CCDC148: variants seen among roughly 807,000 people sequenced by gnomAD.
The protein encoded by CCDC148 is coiled-coil domain containing 148, also known as coiled-coil domain-containing protein 148.
Under a neutral mutation model 85.7 loss-of-function variants are expected in CCDC148, and 89 were observed. The observed-to-expected ratio is 1.04, with a 90% confidence interval of 0.87 to 1.24. The LOEUF (loss-of-function observed/expected upper bound fraction) is 1.24. Among genes scored for constraint, CCDC148 ranks in the 50% most tolerant of loss-of-function variants. The pLI is 0.00. For synonymous variants in CCDC148, 230 were observed against 213.9 expected (o/e 1.08, Z -0.66); for missense variants, 692 against 671.7 (o/e 1.03, Z -0.33).
At chr2:158,415,641 G>GT (rs1262075931) in intron 1 of CCDC148, among the ~76,000 whole-genome samples, 1 of 152,130 alleles carries the variant, frequency 6.6e-6, no homozygotes, top group Non-Finnish European at 1.5e-5. Context: ...TCTAAAACAA[G>GT]TTATTTACTC....
chr2:158,291,573 G>C (rs757398297), intron 9 of CCDC148, among the ~76,000 whole-genome samples: 1 of 152,074 alleles, frequency 6.6e-6, no homozygotes, highest in Non-Finnish European at 1.5e-5. Context: ...TTGTTGAAAG[G>C]GTTGCCTCTT....
At chr2:158,341,238 G>T (rs1682675085) in intron 3 of CCDC148, among the ~76,000 whole-genome samples, 1 of 151,232 alleles carries the variant, frequency 6.6e-6, no homozygotes, top group South Asian at 2.1e-4. Context: ...ACATATATAT[G>T]TGTATGTATA....
chr2:158,449,841 A>ATATG (rs1688322900), intron 1 of CCDC148, among the ~76,000 whole-genome samples: 1 of 152,202 alleles, frequency 6.6e-6, no homozygotes, highest in African/African-American at 2.4e-5. Flanking sequence ...GGAGTCTTTC[A>ATATG]CCATAAATAT....
chr2:158,389,475 T>G (rs1470802355), intron 1 of CCDC148, among the ~76,000 whole-genome samples: 1 of 152,224 alleles, frequency 6.6e-6, no homozygotes, highest in Non-Finnish European at 1.5e-5. Flanking sequence ...CAGATCAATT[T>G]CAATTCTCAG....
chr2:158,338,836 T>G lies in CCDC148; in HGVS notation c.654A>C (p.Glu218Asp), dbSNP rs777550315. 21 of 1,612,890 alleles carry G rather than the reference T, an allele frequency of 1.3e-5. No homozygotes were observed. Among genetic ancestry groups the G allele is most frequent in the African/African-American group, 2.7e-5 (2 of 74,962 alleles). Residue 218 changes from glutamate to aspartate, a missense_variant, in exon 7 of 14, where the codon GAA (glutamate) becomes GAC (aspartate). By Grantham distance (45) the Glu-to-Asp change is conservative. Transcript: ENST00000283233. ...SELPIELESL[E>D]CPYPDLKSSI... ...AAGATTTCAAATCAGGGTATGGGCA[T>G]TCCAAACTTTCTAATTCAATGGGCA...
At chr2:158,314,773 A>G (rs889018786) in intron 7 of CCDC148, among the ~76,000 whole-genome samples, 2 of 152,248 alleles carry the variant, frequency 1.3e-5, no homozygotes, top group Admixed American at 6.5e-5. Context: ...ATTATTAGCA[A>G]CAAATACTTC....
At chr2:158,356,276 C>G (rs1366654075) in intron 2 of CCDC148, among the ~76,000 whole-genome samples, 5 of 143,328 alleles carry the variant, frequency 3.5e-5, no homozygotes, top group East Asian at 2.0e-4. Flanking sequence ...AAGAAACTAC[C>G]ATCAGAGTGA....
chr2:158,210,013 T>G (rs1686472220), intron 11 of CCDC148, among the ~76,000 whole-genome samples: 1 of 152,154 alleles, frequency 6.6e-6, no homozygotes, highest in African/African-American at 2.4e-5. Context: ...AGACACAGAC[T>G]GGCAAATTGG....
Position 158,340,584 on chromosome 2 carries a change from C to CA in CCDC148, c.334+13dup, listed in dbSNP as rs769360193. The stretch of plus-strand genomic sequence containing the variant: ...TAAAACTCCCCTTTAAATATAGGAT[C>CA]AAAAAAATCTTACCAAAATTTGTAA... On this transcript the variant is annotated intron_variant, in intron 4 of 13. Coordinates refer to ENST00000283233, the MANE Select transcript of CCDC148 (RefSeq NM_138803.4). 2 of 1,557,106 alleles carry CA rather than the reference C, an allele frequency of 1.3e-6. No homozygotes were observed. Among genetic ancestry groups the CA allele is most frequent in the Non-Finnish European group, 8.7e-7 (1 of 1,143,916 alleles).
chr2:158,405,520 A>G (rs561881813), intron 1 of CCDC148, among the ~76,000 whole-genome samples: 1 of 152,150 alleles, frequency 6.6e-6, no homozygotes, highest in African/African-American at 2.4e-5. Context: ...TTGATCAGCA[A>G]TATCTTATTA....
At chr2:158,286,993 T>A (rs1449021003) in intron 9 of CCDC148, among the ~76,000 whole-genome samples, 1 of 152,194 alleles carries the variant, frequency 6.6e-6, no homozygotes, top group Non-Finnish European at 1.5e-5. Context: ...CAGTTTCACA[T>A]GGCTGGGGAG....
intron 1 of CCDC148, among the ~76,000 whole-genome samples, chr2:158,429,548 A>C (rs75843486): frequency 0.075 from 11,351 of 152,282 alleles, 570 homozygotes; most frequent in Middle Eastern, 0.11. Flanking sequence ...CTAGTGGAAG[A>C]GAACCTTTCA....
At chr2:158,202,134 T>C (rs1191364180) in intron 11 of CCDC148, among the ~76,000 whole-genome samples, 1 of 152,202 alleles carries the variant, frequency 6.6e-6, no homozygotes, top group Non-Finnish European at 1.5e-5. Flanking sequence ...AATTAAAATT[T>C]AGAGAAAAAG....
chr2:158,397,131 C>T (rs1202753280), intron 1 of CCDC148, among the ~76,000 whole-genome samples: 1 of 151,944 alleles, frequency 6.6e-6, no homozygotes, highest in African/African-American at 2.4e-5. Context: ...GTGAAGAAGG[C>T]AAGAATCTGT....
intron 13 of CCDC148, among the ~76,000 whole-genome samples, chr2:158,175,648 T>TATA (rs569984610): frequency 2.6e-4 from 39 of 152,122 alleles, no homozygotes; most frequent in Non-Finnish European, 4.4e-4. Flanking sequence ...AGAGCCAGAA[T>TATA]ATAATATATG....
At chr2:158,253,511 A>G (rs547559300) in intron 9 of CCDC148, among the ~76,000 whole-genome samples, 3 of 151,768 alleles carry the variant, frequency 2.0e-5, no homozygotes, top group Admixed American at 2.0e-4. Context: ...TTCACTGACC[A>G]TACCATAACT....
At chr2:158,176,267 T>A (rs960833170) in intron 13 of CCDC148, among the ~76,000 whole-genome samples, 4 of 151,950 alleles carry the variant, frequency 2.6e-5, no homozygotes, top group Non-Finnish European at 5.9e-5. Flanking sequence ...TTTAAAAAAA[T>A]TTAAAAAATA....
rs1311984288 is a variant in CCDC148 at position 158,435,299 on chromosome 2, CAGA to C, written c.25+21113_25+21115del. Among the ~76,000 whole-genome samples, 104 of 152,270 alleles carry C rather than the reference CAGA, an allele frequency of 6.8e-4. 1 individual carries two copies. The highest frequency in any genetic ancestry group is 1.8e-4 in the Non-Finnish European group (12 of 68,028). On this transcript the variant is annotated intron_variant, in intron 1 of 13. Coordinates refer to ENST00000283233, the MANE Select transcript of CCDC148 (RefSeq NM_138803.4). ...ATCTCTCGGCAGAAACTCTCCAAGCCAGAAGAGAGTGGGGGCCAATACTCCACA... is the reference window on the plus strand; with the variant it reads ...ATCTCTCGGCAGAAACTCTCCAAGCCAGAGAGTGGGGGCCAATACTCCACA...
intron 1 of CCDC148, among the ~76,000 whole-genome samples, chr2:158,430,162 T>C (rs2105331641): frequency 6.6e-6 from 1 of 152,300 alleles, no homozygotes; most frequent in South Asian, 2.1e-4. Context: ...TGAAGATGTT[T>C]GACCTCTTAC....
Sources: allele counts gnomAD v4.1 joint callset (sites outside exome capture counted in the v4.1 genomes callset), GRCh38; gene constraint gnomAD v4.1.1; transcripts MANE v1.5; gene names NCBI Gene and HGNC (gene_info 2026-07-23, HGNC 2026-07-21).